Variants in TRIM50 observed in about 807,000 individuals in gnomAD.
TRIM50 encodes the protein tripartite motif containing 50, also known as E3 ubiquitin-protein ligase TRIM50.
In TRIM50, 34 loss-of-function variants were observed where a neutral mutation model predicts 44.9. That is an observed-to-expected ratio of 0.76 (90% CI 0.58 to 1.01). The LOEUF (loss-of-function observed/expected upper bound fraction) is 1.01, where lower values mean the gene tolerates loss of function less well. TRIM50 is among the 50% of genes least tolerant of loss of function. TRIM50 has a pLI of 0.00. For synonymous variants in TRIM50, 307 were observed against 291.1 expected (o/e 1.05, Z -0.56); for missense variants, 633 against 663.7 (o/e 0.95, Z 0.51).
At position 73,313,568 on chromosome 7, in the gene TRIM50, C is replaced by G. The variant is rs1804288016; in HGVS notation, c.875-58G>C. 1 of 1,391,756 alleles carries G rather than the reference C, an allele frequency of 7.2e-7. No homozygotes were observed. The highest frequency in any genetic ancestry group is 9.5e-7 in the Non-Finnish European group (1 of 1,055,794). The allele number at this position is 1,391,756 out of a possible 1,614,324, so 86.2% of individuals were successfully genotyped here. On this transcript the variant is annotated intron_variant, in intron 6 of 6. Transcript: ENST00000333149. The surrounding 1 kb of genome is among the most constrained non-coding windows in gnomAD (Gnocchi z 4.9). Reference sequence around the variant, plus strand: ...CACGTGGAGGGCAGCAGACCCGGCCCACAGAAGCTGATGGAGGCCCTGAAC... The same window carrying G: ...CACGTGGAGGGCAGCAGACCCGGCCGACAGAAGCTGATGGAGGCCCTGAAC...
rs782184068 is a variant in TRIM50, at chr7:73,318,805, C to T, written c.726+17G>A. On this transcript the variant is annotated intron_variant, in intron 4 of 6. Transcript: ENST00000333149. The stretch of plus-strand genomic sequence containing the variant: ...CCCTGGCGGGTATGGGGATGGGACG[C>T]CTCCCTGTCCACTCACCCGGATGAA... The T allele has an allele frequency of 1.7e-5, 27 of 1,613,788 alleles. No homozygotes were observed. In the Admixed American group the frequency reaches 2.8e-4, roughly 17 times the overall value.
At position 73,313,260 on chromosome 7, in the gene TRIM50, C is replaced by G. The variant is rs782105630; in HGVS notation, c.1125G>C (p.Lys375Asn). The change falls in exon 7 of 7, where the codon AAG (lysine) becomes AAC (asparagine). Residue 375 changes from lysine to asparagine, a missense_variant. By Grantham distance (94) the Lys-to-Asn change is moderately conservative (BLOSUM62 0). Transcript: ENST00000333149. This position sits in a 1 kb window ranked among gnomAD's most constrained non-coding sequence, Gnocchi z 4.9. Reference sequence around the variant, plus strand: ...CGCCGTGCTCGGGGGACCTGTTCAGCTTGCCCTTACGGCTGGCTGTGCCCT... The same window carrying G: ...CGCCGTGCTCGGGGGACCTGTTCAGGTTGCCCTTACGGCTGGCTGTGCCCT... Reference protein sequence around the residue: ...VIKGTASRKGKLNRSPEHGVW... With the variant: ...VIKGTASRKGNLNRSPEHGVW... 19 of 1,600,654 alleles carry G rather than the reference C, an allele frequency of 1.2e-5. No homozygotes were observed. Among genetic ancestry groups the G allele is most frequent in the Non-Finnish European group, 1.6e-5 (19 of 1,174,346 alleles).
chr7:73,319,471 G>A (rs1368469024), intron 3 of TRIM50, among the ~76,000 whole-genome samples: 3 of 152,028 alleles, frequency 2.0e-5, no homozygotes, highest in Non-Finnish European at 2.9e-5. Context: ...GCCTATTTCA[G>A]CTATTAAATG....
At chr7:73,316,789 G>T (rs1804372075) in intron 5 of TRIM50, 100 bp from the exon 6 acceptor site, 2 of 1,521,432 alleles carry the variant, frequency 1.3e-6, no homozygotes, top group Non-Finnish European at 1.8e-6. Flanking sequence ...CACAGTGCAG[G>T]ACTGCAGTCA....
intron 5 of TRIM50, among the ~76,000 whole-genome samples, chr7:73,317,261 C>T (rs543214034): frequency 1.3e-4 from 19 of 151,764 alleles, no homozygotes; most frequent in African/African-American, 3.6e-4. Flanking sequence ...ACCATGTTGC[C>T]CAGGCTGGTC....
intron 6 of TRIM50, among the ~76,000 whole-genome samples, chr7:73,315,787 A>G (rs1381303997): frequency 5.3e-5 from 8 of 152,254 alleles, no homozygotes; most frequent in African/African-American, 1.7e-4. Flanking sequence ...ACAGAGAACA[A>G]GAATAGGTTG....
intron 3 of TRIM50, 114 bp downstream of exon 3, chr7:73,320,033 G>A (rs1401524516): frequency 2.5e-6 from 4 of 1,572,592 alleles, no homozygotes; most frequent in Non-Finnish European, 3.5e-6. Context: ...AATGCTTTGA[G>A]TTCTGGCTTT....
intron 2 of TRIM50, among the ~76,000 whole-genome samples, chr7:73,322,936 C>G (rs1243939720): frequency 1.3e-5 from 2 of 152,210 alleles, no homozygotes; most frequent in African/African-American, 2.4e-5. Flanking sequence ...CTGCCCACGC[C>G]GGATCCTCCC....
chr7:73,326,652 T>C (rs1301002510), intron 1 of TRIM50, among the ~76,000 whole-genome samples: 8 of 152,158 alleles, frequency 5.3e-5, no homozygotes, highest in African/African-American at 1.9e-4. Context: ...GGACTGTTTT[T>C]GAATTTCACA....
At chr7:73,314,863 AAG>A in intron 6 of TRIM50, 1 of 193,120 alleles carries the variant, frequency 5.2e-6, no homozygotes, top group South Asian at 8.8e-5. Flanking sequence ...AAAAAAAAAA[AAG>A]GAAGGCTCAG....
chr7:73,312,580 A>G lies in TRIM50; in HGVS notation c.*341T>C. The G allele has an allele frequency of 3.7e-6, 1 of 271,712 alleles. No individual in the cohort carries two copies. Among genetic ancestry groups the G allele is most frequent in the Non-Finnish European group, 6.9e-6 (1 of 145,818 alleles). 16.8% of individuals were successfully genotyped at this position (271,712 alleles called of 1,614,324 possible). A position where few individuals can be genotyped will look rare whatever the true frequency, so the allele number is the denominator to read the frequency against. ...TGTCAAATTTATTATCCTTGATAGT[A>G]GTTGAAAGTTCACAGTAATATGGAA... is the stretch of plus-strand genomic sequence containing the variant. On this transcript the variant is annotated 3_prime_UTR_variant, in exon 7 of 7. Coordinates refer to ENST00000333149, the MANE Select transcript of TRIM50 (RefSeq NM_178125.3).
chr7:73,315,813 C>T (rs1317458448), intron 6 of TRIM50, among the ~76,000 whole-genome samples: 3 of 151,536 alleles, frequency 2.0e-5, no homozygotes, highest in Admixed American at 6.6e-5. Context: ...AAAGTAATTG[C>T]GGTTTTTGCC....
chr7:73,315,003 G>A (rs1804324059), intron 6 of TRIM50: 5 of 366,344 alleles, frequency 1.4e-5, no homozygotes, highest in Admixed American at 6.6e-5. Flanking sequence ...TAGTCCCCAG[G>A]AAGACCTGCA....
intron 2 of TRIM50, chr7:73,322,054 CA>C (rs1470290424): frequency 6.6e-6 from 1 of 152,202 alleles, no homozygotes; most frequent in East Asian, 1.9e-4. Flanking sequence ...TCGGGATCAT[CA>C]AACCCCAAAT....
At chr7:73,322,770 A>G (rs1428087544) in intron 2 of TRIM50, among the ~76,000 whole-genome samples, 1 of 152,032 alleles carries the variant, frequency 6.6e-6, no homozygotes. Context: ...CCTTATCACT[A>G]TGTAGACTCT....
intron 2 of TRIM50, among the ~76,000 whole-genome samples, chr7:73,320,610 A>C (rs2115753006): frequency 6.6e-6 from 1 of 152,158 alleles, no homozygotes; most frequent in African/African-American, 2.4e-5. Context: ...AGGCACGAGA[A>C]TCGCTTGAAT....
intron 6 of TRIM50, chr7:73,314,097 G>A (rs781836312): frequency 5.9e-5 from 14 of 235,388 alleles, no homozygotes; most frequent in Non-Finnish European, 9.1e-5. Context: ...ACCCCTTCCC[G>A]CCACCCAAGT....
At chr7:73,324,839 C>T (rs2950497) in intron 1 of TRIM50, 34 bp from the exon 2 acceptor site, 2 of 1,609,656 alleles carry the variant, frequency 1.2e-6, no homozygotes, top group Non-Finnish European at 8.5e-7. Flanking sequence ...AGTCCTGTCC[C>T]CTCCCCTCCC....
rs3040866 is a variant in TRIM50, at chr7:73,313,670, C to CTGAATGAATGAATGAA, written c.875-176_875-161dup. On this transcript the variant is annotated intron_variant, in intron 6 of 6. Transcript: ENST00000333149. The surrounding 1 kb of genome is among the most constrained non-coding windows in gnomAD (Gnocchi z 4.9). ...GAAGGGGCCAGTACAGGGCTGCTCC[C>CTGAATGAATGAATGAA]TGAATGAATGAATGAATGAATGAAT... 3.8e-4 allele frequency among the ~76,000 whole-genome samples: 56 copies of CTGAATGAATGAATGAA among 149,040 alleles called. No homozygotes were observed. The highest frequency in any genetic ancestry group is 1.2e-4 in the Non-Finnish European group (8 of 67,012).
Sources: gnomAD v4.1 joint callset for allele counts (sites outside exome capture counted in the v4.1 genomes callset) on GRCh38, gnomAD v4.1.1 for gene constraint, Gnocchi (gnomAD v3.1) non-coding constraint, MANE v1.5 for transcripts, NCBI Gene and HGNC (gene_info 2026-07-23, HGNC 2026-07-21) for gene names.